LDLRAD3: variants seen among roughly 807,000 people sequenced by gnomAD.
The protein encoded by LDLRAD3 is low density lipoprotein receptor class A domain containing 3.
LDLRAD3 carries 20 observed loss-of-function variants against 29.4 expected under a neutral mutation model. The ratio of observed to expected loss-of-function variants is 0.68; its 90% CI spans 0.48 to 0.99. LDLRAD3 has a LOEUF of 0.99. LDLRAD3 is among the 50% of genes least tolerant of loss of function. The probability of loss-of-function intolerance (pLI) is 0.00; values close to 1 mark genes in which losing one functional copy is unlikely to be tolerated. For synonymous variants in LDLRAD3, 157 were observed against 192.7 expected (o/e 0.81, Z 1.53); for missense variants, 420 against 454.3 (o/e 0.92, Z 0.69).
intron 4 of LDLRAD3, among the ~76,000 whole-genome samples, chr11:36,180,124 A>G (rs1220780979): frequency 6.6e-6 from 1 of 152,162 alleles, no homozygotes; most frequent in Non-Finnish European, 1.5e-5. Flanking sequence ...TCCTGGTTCC[A>G]GGGGGTTCCT....
At chr11:36,118,496 AGTGT>A (rs879322720) in intron 4 of LDLRAD3, among the ~76,000 whole-genome samples, 1 of 114,006 alleles carries the variant, frequency 8.8e-6, no homozygotes, top group Admixed American at 1.0e-4. Flanking sequence ...AGTAAGAGTG[AGTGT>A]GTGTGTGTGT....
At chr11:36,193,943 A>T (rs1245299968) in intron 4 of LDLRAD3, among the ~76,000 whole-genome samples, 1 of 152,184 alleles carries the variant, frequency 6.6e-6, no homozygotes. Context: ...CCAAATAGGA[A>T]TTTATAAACT....
At chr11:36,042,613 G>A (rs1258993599) in intron 2 of LDLRAD3, among the ~76,000 whole-genome samples, 1 of 152,180 alleles carries the variant, frequency 6.6e-6, no homozygotes, top group East Asian at 1.9e-4. Flanking sequence ...CTGTGTTGAA[G>A]TCCTAACCCC....
At chr11:35,957,867 G>C (rs1172981002) in intron 1 of LDLRAD3, among the ~76,000 whole-genome samples, 1 of 149,316 alleles carries the variant, frequency 6.7e-6, no homozygotes, top group African/African-American at 2.5e-5. Flanking sequence ...TATTTTAAGT[G>C]GGTGATTCTA....
intron 1 of LDLRAD3, among the ~76,000 whole-genome samples, chr11:36,023,382 C>T (rs1489746582): frequency 6.6e-6 from 1 of 152,132 alleles, no homozygotes; most frequent in East Asian, 1.9e-4. Context: ...CGTCTCCTAG[C>T]TGAGTAGAGA....
At chr11:36,216,966 C>T (rs1481612805) in intron 4 of LDLRAD3, among the ~76,000 whole-genome samples, 1 of 152,164 alleles carries the variant, frequency 6.6e-6, no homozygotes, top group Non-Finnish European at 1.5e-5. Flanking sequence ...ATTCTGACTT[C>T]AGACTCCTGC....
chr11:36,156,173 C>T (rs901528136), intron 4 of LDLRAD3, among the ~76,000 whole-genome samples: 1 of 152,138 alleles, frequency 6.6e-6, no homozygotes, highest in Non-Finnish European at 1.5e-5. Context: ...ATTGTATAAC[C>T]TCATCAACAG....
At chr11:36,105,238 T>TGAGAGA (rs35668663) in intron 4 of LDLRAD3, among the ~76,000 whole-genome samples, 44 of 128,418 alleles carry the variant, frequency 3.4e-4, no homozygotes, top group African/African-American at 1.2e-3. Context: ...TGTGTGTGTG[T>TGAGAGA]GAGAGAGAGA....
intron 4 of LDLRAD3, among the ~76,000 whole-genome samples, chr11:36,168,470 A>G (rs560395938): frequency 4.7e-5 from 7 of 150,056 alleles, no homozygotes; most frequent in Non-Finnish European, 1.0e-4. Flanking sequence ...GGATGGATAA[A>G]TGATTTTATT....
At chr11:35,951,844 A>G (rs1006544463) in intron 1 of LDLRAD3, among the ~76,000 whole-genome samples, 76 of 152,362 alleles carry the variant, frequency 5.0e-4, no homozygotes, top group African/African-American at 1.8e-3. Context: ...GCTGTGACCA[A>G]GTTTACCCAG....
intron 2 of LDLRAD3, among the ~76,000 whole-genome samples, chr11:36,068,683 A>T (rs2133242200): frequency 6.6e-6 from 1 of 152,150 alleles, no homozygotes; most frequent in African/African-American, 2.4e-5. Flanking sequence ...CACCTGGCTA[A>T]TTTTTTGTAT....
At chr11:36,139,482 A>G (rs1242376413) in intron 4 of LDLRAD3, among the ~76,000 whole-genome samples, 1 of 152,188 alleles carries the variant, frequency 6.6e-6, no homozygotes, top group African/African-American at 2.4e-5. Context: ...ATTGATTTTT[A>G]ACAAGAGCCT....
chr11:36,155,154 G>A (rs888060941), intron 4 of LDLRAD3, among the ~76,000 whole-genome samples: 2 of 152,118 alleles, frequency 1.3e-5, no homozygotes, highest in Non-Finnish European at 2.9e-5. Context: ...TCCCCAGAGT[G>A]GATCACAGCT....
At chr11:36,045,547 A>G (rs1203022137) in intron 2 of LDLRAD3, among the ~76,000 whole-genome samples, 1 of 152,116 alleles carries the variant, frequency 6.6e-6, no homozygotes, top group East Asian at 1.9e-4. Context: ...TACTTTGGCC[A>G]CTGATTAGCT....
intron 1 of LDLRAD3, among the ~76,000 whole-genome samples, chr11:35,973,906 C>T (rs2133149924): frequency 6.6e-6 from 1 of 152,306 alleles, no homozygotes; most frequent in South Asian, 2.1e-4. Context: ...CATTTTGATC[C>T]TAGTCAGTGT....
chr11:36,182,900 G>T (rs774879018), intron 4 of LDLRAD3, among the ~76,000 whole-genome samples: 32 of 152,206 alleles, frequency 2.1e-4, no homozygotes, highest in Non-Finnish European at 3.8e-4. Context: ...TTAAACACAT[G>T]CAGAGCCTGA....
intron 4 of LDLRAD3, among the ~76,000 whole-genome samples, chr11:36,114,997 G>A (rs1210972043): frequency 1.3e-5 from 2 of 152,128 alleles, no homozygotes; most frequent in Non-Finnish European, 2.9e-5. Flanking sequence ...TGATTTCTAC[G>A]AATAGGATAT....
At position 35,948,230 on chromosome 11, in the gene LDLRAD3, C is replaced by G. The variant is rs16928136; in HGVS notation, c.46+4086C>G. The stretch of plus-strand genomic sequence containing the variant: ...TAAGGTACTTTCCACCATGGAGATG[C>G]CTTGGAGTGATGGAACTGTTTTTAG... On this transcript the variant is annotated intron_variant, in intron 1 of 5. Transcript: ENST00000315571. Among the ~76,000 whole-genome samples, 1,399 of 152,204 alleles carry G rather than the reference C, an allele frequency of 9.2e-3. 26 individuals are homozygous for G. The highest frequency in any genetic ancestry group is 0.031 in the African/African-American group (1,292 of 41,526).
intron 4 of LDLRAD3, among the ~76,000 whole-genome samples, chr11:36,187,904 A>G (rs964205695): frequency 2.0e-5 from 3 of 152,200 alleles, no homozygotes; most frequent in Non-Finnish European, 2.9e-5. Context: ...TTTTTAAGTA[A>G]TAGCAAAGCC....
Sources: gnomAD v4.1 joint callset for allele counts (sites outside exome capture counted in the v4.1 genomes callset) on GRCh38, gnomAD v4.1.1 for gene constraint, MANE v1.5 for transcripts, NCBI Gene and HGNC (gene_info 2026-07-23, HGNC 2026-07-21) for gene names.